TMEM200A: variants seen among roughly 807,000 people sequenced by gnomAD.
The protein encoded by TMEM200A is transmembrane protein 200A.
A neutral mutation model predicts 24.3 loss-of-function variants in TMEM200A; 12 were observed. The observed-to-expected ratio is 0.49, with a 90% CI of 0.32 to 0.80. The LOEUF is 0.80. TMEM200A is among the 30% of genes least tolerant of loss of function. TMEM200A has a pLI of 0.04. For missense variants in TMEM200A, 545 were observed against 614.4 expected (o/e 0.89, Z 1.19); for synonymous variants, 224 against 224.4 (o/e 1.00, Z 0.02).
chr6:130,413,345 A>G (rs752115666), intron 2 of TMEM200A, among the ~76,000 whole-genome samples: 1 of 152,184 alleles, frequency 6.6e-6, no homozygotes, highest in East Asian at 1.9e-4. Context: ...CCCGGGCTTC[A>G]TGCACCTGTA....
intron 2 of TMEM200A, among the ~76,000 whole-genome samples, chr6:130,417,780 C>T (rs1173209095): frequency 2.6e-5 from 4 of 152,150 alleles, no homozygotes; most frequent in Admixed American, 1.3e-4. Flanking sequence ...TAAGGAAAGA[C>T]CTTGGCTTTT....
intron 2 of TMEM200A, among the ~76,000 whole-genome samples, chr6:130,393,725 G>A (rs1211812609): frequency 6.6e-6 from 1 of 152,140 alleles, no homozygotes; most frequent in East Asian, 1.9e-4. Context: ...AACGGGAAAT[G>A]GTGTACAGTT....
intron 2 of TMEM200A, among the ~76,000 whole-genome samples, chr6:130,434,686 G>A (rs1359260288): frequency 6.6e-6 from 1 of 152,108 alleles, no homozygotes; most frequent in Non-Finnish European, 1.5e-5. Context: ...GATTAGAACG[G>A]ACGGTATGTG....
intron 2 of TMEM200A, among the ~76,000 whole-genome samples, chr6:130,426,366 CA>C (rs1219028738): frequency 1.3e-5 from 2 of 151,718 alleles, no homozygotes; most frequent in African/African-American, 4.8e-5. Flanking sequence ...GATTTAATTT[CA>C]AGGCATGAAA....
rs1370506349 is a variant in TMEM200A at position 130,440,841 on chromosome 6, T to G, written c.419T>G (p.Phe140Cys). Residue 140 changes from phenylalanine to cysteine, a missense_variant, in exon 3 of 3, where the codon TTC becomes TGC. Transcript: ENST00000296978. ...PFTMGIGIFI[F>C]ICANAILHEN... is the part of the protein sequence containing the mutation. Reference sequence around the variant, plus strand: ...ACCATGGGGATTGGCATTTTCATTTTCATTTGTGCTAATGCCATTCTTCAT... The same window carrying G: ...ACCATGGGGATTGGCATTTTCATTTGCATTTGTGCTAATGCCATTCTTCAT... 1.2e-6 allele frequency: 2 copies of G among 1,614,010 alleles called. No individual in the cohort carries two copies. Among genetic ancestry groups the G allele is most frequent in the Non-Finnish European group, 1.7e-6 (2 of 1,179,924 alleles).
chr6:130,417,297 A>G (rs1779478473), intron 2 of TMEM200A, among the ~76,000 whole-genome samples: 2 of 152,224 alleles, frequency 1.3e-5, no homozygotes, highest in African/African-American at 2.4e-5. Context: ...ATGTCACTCA[A>G]ACACTTTTGG....
Position 130,401,607 on chromosome 6 carries a change from A to G in TMEM200A, c.-17+16371A>G, listed in dbSNP as rs574359491. ...TACATATATTTTTGTATACCTGTCA[A>G]ATAATTTTGTATATTTAATGCCTTC... On this transcript the variant is annotated intron_variant, in intron 2 of 2. Transcript: ENST00000296978. Among the ~76,000 whole-genome samples, 24 of 151,842 alleles carry G rather than the reference A, an allele frequency of 1.6e-4. No individual in the cohort carries two copies. In the East Asian group the frequency reaches 4.6e-3, roughly 29 times the overall value.
chr6:130,419,488 A>G (rs954725475), intron 2 of TMEM200A, among the ~76,000 whole-genome samples: 2 of 152,168 alleles, frequency 1.3e-5, no homozygotes, highest in African/African-American at 4.8e-5. Context: ...TTTTTGAGAA[A>G]TGTCCATACT....
rs569500528 is a variant in TMEM200A, at chr6:130,436,791, C to T, written c.-16-3616C>T. On this transcript the variant is annotated intron_variant, in intron 2 of 2. Transcript: ENST00000296978. The stretch of plus-strand genomic sequence containing the variant: ...CCTCCTGAGTAACTGAGACTACAGG[C>T]ATCTGCCACCATGCCTGGCTAACTT... Among the ~76,000 whole-genome samples, 6 of 151,992 alleles carry T rather than the reference C, an allele frequency of 3.9e-5. No homozygotes were observed. In the East Asian group the frequency reaches 1.2e-3, roughly 30 times the overall value.
chr6:130,424,311 A>G (rs537279274), intron 2 of TMEM200A, among the ~76,000 whole-genome samples: 18 of 152,228 alleles, frequency 1.2e-4, no homozygotes, highest in African/African-American at 3.8e-4. Flanking sequence ...AAATGGAGCA[A>G]TTTTTCCTCC....
At chr6:130,368,077 T>C (rs1163156288) in intron 1 of TMEM200A, among the ~76,000 whole-genome samples, 1 of 152,228 alleles carries the variant, frequency 6.6e-6, no homozygotes, top group African/African-American at 2.4e-5. Flanking sequence ...GGAAAGATCA[T>C]TGTAAAGAGG....
intron 1 of TMEM200A, among the ~76,000 whole-genome samples, chr6:130,381,115 A>G (rs1292269959): frequency 6.6e-6 from 1 of 152,248 alleles, no homozygotes; most frequent in African/African-American, 2.4e-5. Flanking sequence ...AAACTCTCCT[A>G]GACTTTGAGT....
Position 130,440,731 on chromosome 6 carries a change from G to A in TMEM200A, c.309G>A (p.Gln103=), listed in dbSNP as rs531865103. The change falls in exon 3 of 3, where the codon CAG becomes CAA. Residue 103 remains glutamine (Q), a synonymous_variant. Transcript: ENST00000296978. ...AETTLSTNET[Q]VIRNEGGVVV... Reference sequence around the variant, plus strand: ...CAACACTGTCAACAAATGAAACTCAGGTCATTCGGAATGAAGGCGGTGTGG... The same window carrying A: ...CAACACTGTCAACAAATGAAACTCAAGTCATTCGGAATGAAGGCGGTGTGG... 78 of 1,614,000 alleles carry A rather than the reference G, an allele frequency of 4.8e-5. No individual in the cohort carries two copies. The East Asian group carries it at 1.7e-3, about 36-fold the overall frequency.
rs764831715 is a variant in TMEM200A, at chr6:130,441,030, C to T, written c.608C>T (p.Ser203Leu). ...EVKQNGSSCA[S>L]RLAANTIASF... Reference sequence around the variant, plus strand: ...AAACAGAATGGGAGCTCCTGTGCCTCGAGATTGGCAGCAAATACGATCGCC... The same window carrying T: ...AAACAGAATGGGAGCTCCTGTGCCTTGAGATTGGCAGCAAATACGATCGCC... Residue 203 changes from serine (S) to leucine (L), a missense_variant, in exon 3 of 3, where the codon TCG (serine) becomes TTG (leucine). Ser to Leu is a moderately radical substitution (Grantham distance 145). Coordinates refer to ENST00000296978, the MANE Select transcript of TMEM200A (RefSeq NM_001258277.2). The T allele has an allele frequency of 1.9e-6, 3 of 1,613,690 alleles. No individual in the cohort carries two copies. Among genetic ancestry groups the T allele is most frequent in the African/African-American group, 2.7e-5 (2 of 74,888 alleles).
At chr6:130,401,094 A>G (rs73614164) in intron 2 of TMEM200A, among the ~76,000 whole-genome samples, 1,995 of 152,126 alleles carry the variant, frequency 0.013, 38 homozygotes, top group African/African-American at 0.046. Flanking sequence ...GAGCTCAGCT[A>G]TGCATTAACC....
chr6:130,384,346 G>T (rs2115095634), intron 1 of TMEM200A, among the ~76,000 whole-genome samples: 1 of 152,178 alleles, frequency 6.6e-6, no homozygotes, highest in African/African-American at 2.4e-5. Context: ...TTTATTTAAA[G>T]GTTTGCCCAG....
At chr6:130,404,961 T>C (rs1355282655) in intron 2 of TMEM200A, among the ~76,000 whole-genome samples, 4 of 152,142 alleles carry the variant, frequency 2.6e-5, no homozygotes, top group South Asian at 2.1e-4. Context: ...AAAGATCAAA[T>C]AGTTATAGTT....
chr6:130,406,933 C>T (rs766455712), intron 2 of TMEM200A, among the ~76,000 whole-genome samples: 1 of 152,160 alleles, frequency 6.6e-6, no homozygotes, highest in South Asian at 2.1e-4. Context: ...GTTTCCTGAA[C>T]AAAGCTCATG....
rs534773992 is a variant in TMEM200A at position 130,436,929 on chromosome 6, G to T, written c.-16-3478G>T. On this transcript the variant is annotated intron_variant, in intron 2 of 2. Coordinates refer to ENST00000296978, the MANE Select transcript of TMEM200A (RefSeq NM_001258277.2). ...GGCCTCCCAAAGCTCTGGAGTTACA[G>T]GTGTGAGCCACTGCACCCAGCCTTC... 2.8e-3 allele frequency among the ~76,000 whole-genome samples: 422 copies of T among 152,194 alleles called. 2 individuals carry two copies. The highest frequency in any genetic ancestry group is 0.014 in the South Asian group (67 of 4,816).
Sources: allele counts gnomAD v4.1 joint callset (sites outside exome capture counted in the v4.1 genomes callset), GRCh38; gene constraint gnomAD v4.1.1; transcripts MANE v1.5; gene names NCBI Gene and HGNC (gene_info 2026-07-23, HGNC 2026-07-21).